Variants in LHFPL3 observed in about 807,000 individuals in gnomAD.
LHFPL3 encodes LHFPL tetraspan subfamily member 3.
In LHFPL3, 5 loss-of-function variants were observed where a neutral mutation model predicts 19.3. The ratio of observed to expected loss-of-function variants is 0.26; its 90% CI spans 0.14 to 0.54. The LOEUF is 0.54. Ranked by LOEUF, LHFPL3 falls within the 20% of genes least tolerant of loss-of-function variation. The pLI, the probability that LHFPL3 is intolerant of heterozygous loss-of-function variation, is 0.94. For missense variants in LHFPL3, 249 were observed against 307.4 expected (o/e 0.81, Z 1.42); for synonymous variants, 133 against 126.2 (o/e 1.05, Z -0.36).
intron 1 of LHFPL3, among the ~76,000 whole-genome samples, chr7:104,555,313 C>T (rs926243979): frequency 9.2e-5 from 14 of 152,094 alleles, no homozygotes; most frequent in Non-Finnish European, 1.8e-4. Context: ...TGTATTAGTC[C>T]GTTTTCACAC....
intron 1 of LHFPL3, among the ~76,000 whole-genome samples, chr7:104,675,985 C>T (rs529992523): frequency 9.9e-4 from 151 of 152,244 alleles, no homozygotes; most frequent in African/African-American, 3.5e-3. Context: ...AGCCTGGGAC[C>T]AGATGAGATG....
intron 1 of LHFPL3, among the ~76,000 whole-genome samples, chr7:104,621,014 G>T (rs902823992): frequency 6.6e-6 from 1 of 152,160 alleles, no homozygotes; most frequent in Non-Finnish European, 1.5e-5. Context: ...AGTTGGCTTT[G>T]TTCAGGCATT....
intron 1 of LHFPL3, among the ~76,000 whole-genome samples, chr7:104,572,779 A>G (rs1790252695): frequency 1.3e-5 from 2 of 152,148 alleles, no homozygotes; most frequent in African/African-American, 4.8e-5. Context: ...TAGGGTCCAC[A>G]TTGAATAATA....
At chr7:104,643,322 G>T (rs1322099606) in intron 1 of LHFPL3, among the ~76,000 whole-genome samples, 2 of 152,134 alleles carry the variant, frequency 1.3e-5, no homozygotes, top group Middle Eastern at 3.2e-3. Flanking sequence ...ATAAGACTCA[G>T]TTTTCTCATT....
chr7:104,890,580 C>T (rs755481664), intron 2 of LHFPL3, among the ~76,000 whole-genome samples: 5 of 152,222 alleles, frequency 3.3e-5, no homozygotes, highest in African/African-American at 7.2e-5. Flanking sequence ...CCCCCTCAGT[C>T]CGTTCAGTGG....
At chr7:104,420,382 A>G (rs983595049) in intron 1 of LHFPL3, among the ~76,000 whole-genome samples, 3 of 152,212 alleles carry the variant, frequency 2.0e-5, no homozygotes, top group Non-Finnish European at 4.4e-5. Context: ...AGAGAGGCAG[A>G]ACAGGGAAAC....
intron 1 of LHFPL3, among the ~76,000 whole-genome samples, chr7:104,415,804 G>A (rs1244913573): frequency 2.0e-5 from 3 of 151,914 alleles, no homozygotes; most frequent in African/African-American, 4.8e-5. Context: ...CATTAGAGTA[G>A]CTTCTACTAG....
chr7:104,505,050 C>T (rs1793670578), intron 1 of LHFPL3, among the ~76,000 whole-genome samples: 2 of 152,142 alleles, frequency 1.3e-5, no homozygotes, highest in African/African-American at 4.8e-5. Context: ...TATGTATACA[C>T]ATATGTGTAT....
At chr7:104,798,699 A>ATT (rs34435651) in intron 2 of LHFPL3, among the ~76,000 whole-genome samples, 30 of 150,896 alleles carry the variant, frequency 2.0e-4, no homozygotes, top group Non-Finnish European at 3.0e-4. Flanking sequence ...AAGTCTCACG[A>ATT]TTTTTTTTTT....
At chr7:104,897,988 C>T (rs1451288043) in intron 2 of LHFPL3, among the ~76,000 whole-genome samples, 1 of 131,528 alleles carries the variant, frequency 7.6e-6, no homozygotes, top group African/African-American at 2.8e-5. Flanking sequence ...AGACTGCTGA[C>T]AGAAAGAAAT....
At chr7:104,593,690 C>G (rs1790777763) in intron 1 of LHFPL3, among the ~76,000 whole-genome samples, 1 of 152,116 alleles carries the variant, frequency 6.6e-6, no homozygotes, top group South Asian at 2.1e-4. Context: ...CTTTGTAGGT[C>G]TCTAAGGACT....
chr7:104,624,511 A>G (rs767476657), intron 1 of LHFPL3, among the ~76,000 whole-genome samples: 29 of 152,302 alleles, frequency 1.9e-4, no homozygotes, highest in Non-Finnish European at 1.9e-4. Context: ...CTATAACCAT[A>G]GTGGGGAAAA....
intron 1 of LHFPL3, among the ~76,000 whole-genome samples, chr7:104,735,167 G>C (rs969037154): frequency 1.3e-5 from 2 of 152,228 alleles, no homozygotes; most frequent in African/African-American, 4.8e-5. Context: ...AGGAGTGAGG[G>C]ACCCACTTGA....
chr7:104,672,829 G>T (rs1466051305), intron 1 of LHFPL3, among the ~76,000 whole-genome samples: 3 of 151,942 alleles, frequency 2.0e-5, no homozygotes, highest in Admixed American at 6.6e-5. Context: ...CATTTTGGTC[G>T]ATCCCCAGGA....
intron 1 of LHFPL3, among the ~76,000 whole-genome samples, chr7:104,653,597 G>A (rs948103057): frequency 2.2e-4 from 34 of 152,210 alleles, no homozygotes; most frequent in African/African-American, 7.5e-4. Flanking sequence ...TGGTTCATGG[G>A]CCAGCCAAAA....
chr7:104,562,682 C>T (rs916592723), intron 1 of LHFPL3, among the ~76,000 whole-genome samples: 1 of 151,840 alleles, frequency 6.6e-6, no homozygotes, highest in African/African-American at 2.4e-5. Flanking sequence ...TCTCTCAGCT[C>T]CTCAAAGTCA....
chr7:104,803,089 G>C (rs1467456245), intron 2 of LHFPL3: 1 of 152,164 alleles, frequency 6.6e-6, no homozygotes, highest in Non-Finnish European at 1.5e-5. Context: ...TCAAGCCATA[G>C]CAGTTATTTA....
At chr7:104,811,308 C>T (rs903259292) in intron 2 of LHFPL3, among the ~76,000 whole-genome samples, 2 of 152,136 alleles carry the variant, frequency 1.3e-5, no homozygotes, top group Non-Finnish European at 2.9e-5. Flanking sequence ...CATCCTCCCA[C>T]CTCAGCCTCC....
intron 2 of LHFPL3, among the ~76,000 whole-genome samples, chr7:104,789,712 C>G (rs1192089684): frequency 1.3e-5 from 2 of 152,200 alleles, no homozygotes; most frequent in East Asian, 3.9e-4. Context: ...ATGTAGCCAT[C>G]CATTCATAAA....
Sources: gnomAD v4.1 joint callset for allele counts (sites outside exome capture counted in the v4.1 genomes callset) on GRCh38, gnomAD v4.1.1 for gene constraint, MANE v1.5 for transcripts, NCBI Gene and HGNC (gene_info 2026-07-23, HGNC 2026-07-21) for gene names.